Variants in SUSD1 observed in about 807,000 individuals in gnomAD.
SUSD1 encodes the protein sushi domain containing 1, also known as sushi domain-containing protein 1.
A neutral mutation model predicts 86.9 loss-of-function variants in SUSD1; 65 were observed. The observed-to-expected ratio is 0.75, with a 90% CI of 0.61 to 0.92. The LOEUF is 0.92. SUSD1 is among the 40% of genes least tolerant of loss of function. The probability of loss-of-function intolerance (pLI) is 0.00; values close to 1 mark genes in which losing one functional copy is unlikely to be tolerated. For missense variants in SUSD1, 850 were observed against 929.7 expected (o/e 0.91, Z 1.11); for synonymous variants, 346 against 350.0 (o/e 0.99, Z 0.13).
At chr9:112,171,095 C>G (rs1834028212) in intron 1 of SUSD1, among the ~76,000 whole-genome samples, 1 of 152,176 alleles carries the variant, frequency 6.6e-6, no homozygotes, top group Non-Finnish European at 1.5e-5. Context: ...AATGGTCAGG[C>G]TTTAATCAGT....
chr9:112,107,457 T>C (rs1830901150), intron 8 of SUSD1, among the ~76,000 whole-genome samples: 1 of 151,512 alleles, frequency 6.6e-6, no homozygotes. Context: ...CATAAATAAG[T>C]AAATAAATAA....
intron 2 of SUSD1, among the ~76,000 whole-genome samples, chr9:112,153,467 G>A (rs1288403081): frequency 1.3e-5 from 2 of 152,034 alleles, no homozygotes; most frequent in African/African-American, 4.8e-5. Flanking sequence ...AATACATCCT[G>A]AAAGACCTGC....
chr9:112,165,973 G>GAAAGAAAGAAAGAA (rs1833806526), intron 1 of SUSD1, among the ~76,000 whole-genome samples: 4 of 151,188 alleles, frequency 2.6e-5, no homozygotes, highest in African/African-American at 9.7e-5. Flanking sequence ...AAGAAAGAAA[G>GAAAGAAAGAAAGAA]AAAGAAAGAA....
intron 13 of SUSD1, among the ~76,000 whole-genome samples, chr9:112,059,584 A>C (rs1358792549): frequency 2.6e-5 from 4 of 152,236 alleles, no homozygotes; most frequent in African/African-American, 7.2e-5. Context: ...GAGTTAATCT[A>C]GTCTGACAAC....
chr9:112,091,276 C>G (rs1023332467), intron 10 of SUSD1, among the ~76,000 whole-genome samples: 67 of 152,300 alleles, frequency 4.4e-4, no homozygotes, highest in Admixed American at 3.9e-3. Flanking sequence ...TCAGAAACAA[C>G]ATTAAATGAT....
chr9:112,121,843 T>C (rs540257867), intron 6 of SUSD1, among the ~76,000 whole-genome samples: 11 of 152,320 alleles, frequency 7.2e-5, no homozygotes, highest in African/African-American at 2.6e-4. Context: ...CCACAAATGG[T>C]AAGAATCATT....
At chr9:112,143,400 C>A in intron 4 of SUSD1, 71 bp downstream of exon 4, 1 of 1,524,504 alleles carries the variant, frequency 6.6e-7, no homozygotes, top group South Asian at 1.2e-5. Flanking sequence ...CCAACACAGG[C>A]TTGGAGCAGA....
chr9:112,139,136 T>G (rs1832446996), intron 5 of SUSD1, among the ~76,000 whole-genome samples: 1 of 152,176 alleles, frequency 6.6e-6, no homozygotes, highest in Non-Finnish European at 1.5e-5. Context: ...TCCAGATGGT[T>G]TTATAGGTGA....
In SUSD1 at chr9:112,113,648, C is replaced by A. The variant is rs537993422; in HGVS notation, c.887-780G>T. Among the ~76,000 whole-genome samples, 10 of 152,236 alleles carry A rather than the reference C, an allele frequency of 6.6e-5. No homozygotes were observed. The South Asian group carries it at 1.7e-3, about 25-fold the overall frequency. On this transcript the variant is annotated intron_variant, in intron 6 of 16. Transcript: ENST00000374270. The surrounding 1 kb of genome is among the most constrained non-coding windows in gnomAD (Gnocchi z 4.1). ...TTTTTATTTCTTTGAAATCAAATTC[C>A]CAGCCGAGTGCAGTGGCTCACACCT...
At chr9:112,164,591 C>A (rs779327608) in intron 1 of SUSD1, among the ~76,000 whole-genome samples, 3 of 151,584 alleles carry the variant, frequency 2.0e-5, no homozygotes, top group Non-Finnish European at 4.4e-5. Flanking sequence ...AATATACACA[C>A]CTACTATGTA....
At chr9:112,081,330 G>A (rs1335008748) in intron 10 of SUSD1, among the ~76,000 whole-genome samples, 4 of 152,196 alleles carry the variant, frequency 2.6e-5, no homozygotes, top group Non-Finnish European at 5.9e-5. Flanking sequence ...TGGTAGACAC[G>A]ACTCCTCTCT....
chr9:112,172,290 A>G (rs1234050983), intron 1 of SUSD1, among the ~76,000 whole-genome samples: 1 of 151,808 alleles, frequency 6.6e-6, no homozygotes, highest in Non-Finnish European at 1.5e-5. Context: ...CTCCTCTACT[A>G]GCTCTGGGTC....
At chr9:112,157,412 T>C (rs556601838) in intron 2 of SUSD1, 88 bp downstream of exon 2, 1 of 861,982 alleles carries the variant, frequency 1.2e-6, no homozygotes, top group African/African-American at 1.8e-5. Flanking sequence ...AATAACAATG[T>C]TTTTCCCCAA....
At chr9:112,121,924 C>G (rs906338986) in intron 6 of SUSD1, among the ~76,000 whole-genome samples, 1 of 152,220 alleles carries the variant, frequency 6.6e-6, no homozygotes, top group African/African-American at 2.4e-5. Context: ...GCTTCTGATT[C>G]ATGAGAAGAT....
At chr9:112,059,708 T>C (rs2118969632) in intron 13 of SUSD1, among the ~76,000 whole-genome samples, 1 of 152,340 alleles carries the variant, frequency 6.6e-6, no homozygotes, top group Non-Finnish European at 1.5e-5. Context: ...ATGTGTTTCA[T>C]TATTTGTCCC....
At chr9:112,080,876 G>A (rs896863936) in intron 10 of SUSD1, among the ~76,000 whole-genome samples, 10 of 152,118 alleles carry the variant, frequency 6.6e-5, no homozygotes, top group African/African-American at 2.4e-4. Context: ...ATTGCTCCTT[G>A]AGGAACTGAA....
chr9:112,121,526 A>G (rs1476039780), intron 6 of SUSD1, among the ~76,000 whole-genome samples: 1 of 152,226 alleles, frequency 6.6e-6, no homozygotes, highest in Non-Finnish European at 1.5e-5. Context: ...TATGCTAAAT[A>G]GATATCTATT....
chr9:112,064,280 C>A (rs893964803), intron 12 of SUSD1, among the ~76,000 whole-genome samples: 1 of 152,178 alleles, frequency 6.6e-6, no homozygotes, highest in East Asian at 1.9e-4. Flanking sequence ...CCTGCCTGAG[C>A]TCCACCTCCT....
Position 112,098,520 on chromosome 9 carries a change from C to T in SUSD1, c.1424G>A (p.Arg475Lys), listed in dbSNP as rs768416430. The change falls in exon 10 of 17, where the codon AGA becomes AAA. Residue 475 changes from arginine (R) to lysine (K), a missense_variant. Physicochemically the swap from Arg to Lys is conservative, Grantham distance 26. Transcript: ENST00000374270. ...TTGCACTGAGTGCCGCTTAGGAGAT[C>T]TCAGCAGGGTCACATTCACCGTATA... ...TDYTVNVTLL[R>K]SPKRHSVQIT... 1 of 1,614,076 alleles carries T rather than the reference C, an allele frequency of 6.2e-7. No individual in the cohort carries two copies. The highest frequency in any genetic ancestry group is 8.5e-7 in the Non-Finnish European group (1 of 1,180,040).
Sources: gnomAD v4.1 joint callset for allele counts (sites outside exome capture counted in the v4.1 genomes callset) on GRCh38, gnomAD v4.1.1 for gene constraint, Gnocchi (gnomAD v3.1) non-coding constraint, MANE v1.5 for transcripts, NCBI Gene and HGNC (gene_info 2026-07-23, HGNC 2026-07-21) for gene names.